Variants in GLMN observed in about 807,000 individuals in gnomAD.
The protein encoded by GLMN is glomulin, FKBP associated protein.
In GLMN, 75 loss-of-function variants were observed where a neutral mutation model predicts 87.8. The ratio of observed to expected loss-of-function variants is 0.85; its 90% CI spans 0.71 to 1.04. GLMN has a LOEUF of 1.04. Ranked by LOEUF, GLMN falls within the 50% of genes least tolerant of loss-of-function variation. GLMN has a pLI of 0.00. For missense variants in GLMN, 588 were observed against 658.8 expected (o/e 0.89, Z 1.18); for synonymous variants, 206 against 221.6 (o/e 0.93, Z 0.63).
the GLMN span, chr1:92,320,648 A>T: frequency 6.3e-7 from 1 of 1,591,944 alleles, no homozygotes; most frequent in South Asian, 1.1e-5. Flanking sequence ...TGGTTGAATC[A>T]GTATCATTTA....
chr1:92,285,069 A>T (rs1056034488), intron 7 of GLMN, among the ~76,000 whole-genome samples: 1 of 152,160 alleles, frequency 6.6e-6, no homozygotes, highest in African/African-American at 2.4e-5. Context: ...TTCCTCAAGG[A>T]TCTAGAACTA....
At position 92,271,564 on chromosome 1, in the gene GLMN, T is replaced by A; in HGVS notation, c.824A>T (p.Glu275Val). 1.2e-6 allele frequency: 2 copies of A among 1,612,028 alleles called. No homozygotes were observed. The highest frequency in any genetic ancestry group is 1.7e-6 in the Non-Finnish European group (2 of 1,178,198). Residue 275 changes from glutamate (E) to valine (V), a missense_variant, in exon 8 of 19, where the codon GAA (glutamate) becomes GTA (valine). By Grantham distance (121) the Glu-to-Val change is moderately radical (BLOSUM62 -2). Transcript: ENST00000370360. ...KKRTWNYLEF[E>V]EEENKQLADS... is the part of the protein sequence containing the mutation. ...TGCTAACTGTTTATTTTCTTCTTCT[T>A]CAAATTCAAGGTAATTCCAAGTTCT... is the stretch of plus-strand genomic sequence containing the variant.
chr1:92,250,328 T>C (rs1239631228), intron 16 of GLMN, among the ~76,000 whole-genome samples: 1 of 152,100 alleles, frequency 6.6e-6, no homozygotes, highest in African/African-American at 2.4e-5. Context: ...TAAAAGCACA[T>C]AAATGGTATA....
the GLMN span, among the ~76,000 whole-genome samples, chr1:92,329,279 G>T: frequency 6.6e-6 from 1 of 152,118 alleles, no homozygotes; most frequent in Non-Finnish European, 1.5e-5. Context: ...ATCAGGTGGG[G>T]GTACCATTGT....
chr1:92,249,517 G>A (rs1242210791), intron 16 of GLMN, among the ~76,000 whole-genome samples: 1 of 151,680 alleles, frequency 6.6e-6, no homozygotes, highest in African/African-American at 2.4e-5. Context: ...ACTGATACAT[G>A]ATATTTTACA....
intron 16 of GLMN, among the ~76,000 whole-genome samples, chr1:92,256,346 C>T (rs189913335): frequency 1.1e-4 from 17 of 152,122 alleles, no homozygotes; most frequent in Non-Finnish European, 2.1e-4. Flanking sequence ...TGGTACCATT[C>T]CTTCTGAAAC....
intron 16 of GLMN, among the ~76,000 whole-genome samples, chr1:92,252,269 A>G (rs753429369): frequency 7.9e-5 from 12 of 152,170 alleles, no homozygotes; most frequent in Non-Finnish European, 1.6e-4. Flanking sequence ...GTACTGGCCC[A>G]GCGCAGTAGC....
the GLMN span, chr1:92,324,267 C>G: frequency 1.2e-6 from 2 of 1,613,850 alleles, no homozygotes; most frequent in Non-Finnish European, 1.7e-6. Context: ...TGCCAAGTTA[C>G]GAGAATTTGA....
At chr1:92,343,965 G>C in the GLMN span, among the ~76,000 whole-genome samples, 77 of 152,292 alleles carry the variant, frequency 5.1e-4, no homozygotes, top group Non-Finnish European at 8.7e-4. Context: ...CATGAAGTCA[G>C]TCCCCTTTGT....
chr1:92,298,778 G>A (rs756773612), intron 1 of GLMN, 147 bp downstream of exon 1: 1 of 324,864 alleles, frequency 3.1e-6, no homozygotes, highest in Non-Finnish European at 5.6e-6. Context: ...TGCATCAGAG[G>A]AAGCCATGTC....
chr1:92,323,658 C>A, the GLMN span: 1 of 1,613,334 alleles, frequency 6.2e-7, no homozygotes, highest in Admixed American at 1.7e-5. Context: ...ACCAAAAAAG[C>A]ATAATGAAAA....
intron 7 of GLMN, among the ~76,000 whole-genome samples, chr1:92,273,717 A>C (rs1490475007): frequency 6.6e-6 from 1 of 151,850 alleles, no homozygotes; most frequent in Non-Finnish European, 1.5e-5. Context: ...TGGCCTCCCA[A>C]AGGCCTGGGC....
chr1:92,310,756 G>A, the GLMN span, among the ~76,000 whole-genome samples: 2 of 152,060 alleles, frequency 1.3e-5, no homozygotes, highest in Non-Finnish European at 2.9e-5. Context: ...AATTAGCCAG[G>A]AGTGCTGGAA....
At chr1:92,253,140 A>G (rs1449923370) in intron 16 of GLMN, among the ~76,000 whole-genome samples, 1 of 152,128 alleles carries the variant, frequency 6.6e-6, no homozygotes, top group Non-Finnish European at 1.5e-5. Flanking sequence ...AACAACTTAC[A>G]CAATATGCCC....
chr1:92,348,296 A>C, the GLMN span, among the ~76,000 whole-genome samples: 1 of 152,108 alleles, frequency 6.6e-6, no homozygotes, highest in Admixed American at 6.6e-5. Flanking sequence ...TCTAGATCTA[A>C]CCTTCCTTCT....
the GLMN span, chr1:92,324,410 T>G: frequency 6.7e-7 from 1 of 1,501,288 alleles, no homozygotes; most frequent in East Asian, 2.3e-5. Context: ...TTCCAGATCG[T>G]TAACATTTGG....
chr1:92,248,055 T>TA lies in GLMN; in HGVS notation c.1474-67dup, dbSNP rs1652933161. The TA allele has an allele frequency of 6.5e-6, 5 of 772,642 alleles. No homozygotes were observed. The East Asian group carries it at 9.8e-5, about 15-fold the overall frequency. The allele number at this position is 772,642 out of a possible 1,614,324, so 47.9% of individuals were successfully genotyped here. A position where few individuals can be genotyped will look rare whatever the true frequency, so the allele number is the denominator to read the frequency against. On this transcript the variant is annotated intron_variant, in intron 16 of 18. Transcript: ENST00000370360. Reference sequence around the variant, plus strand: ...ATTGATTGCCTACTATTAAACGCGATAAAAGCTCAAAAAACAAAAATAAAT... The same window carrying TA: ...ATTGATTGCCTACTATTAAACGCGATAAAAAGCTCAAAAAACAAAAATAAAT...
chr1:92,277,419 C>T (rs1413303728), intron 7 of GLMN, among the ~76,000 whole-genome samples: 1 of 152,168 alleles, frequency 6.6e-6, no homozygotes, highest in Non-Finnish European at 1.5e-5. Context: ...TCCTTGGAAT[C>T]TCCAAAGTGA....
At chr1:92,320,838 T>C in the GLMN span, among the ~76,000 whole-genome samples, 1 of 152,212 alleles carries the variant, frequency 6.6e-6, no homozygotes, top group South Asian at 2.1e-4. Flanking sequence ...GTATGATTTA[T>C]TGTACAGCTG....
Sources: gnomAD v4.1 joint callset for allele counts (sites outside exome capture counted in the v4.1 genomes callset) on GRCh38, gnomAD v4.1.1 for gene constraint, MANE v1.5 for transcripts, NCBI Gene and HGNC (gene_info 2026-07-23, HGNC 2026-07-21) for gene names.